Variants in GAREM1 observed in about 807,000 individuals in gnomAD.
GAREM1 encodes the protein GRB2 associated regulator of MAPK1 subtype 1, also known as GRB2-associated and regulator of MAPK protein 1.
GAREM1 carries 26 observed loss-of-function variants against 71.3 expected under a neutral mutation model. The observed-to-expected ratio is 0.36, with a 90% CI of 0.27 to 0.51. The LOEUF (loss-of-function observed/expected upper bound fraction) is 0.51. Ranked by LOEUF, GAREM1 falls within the 20% of genes least tolerant of loss-of-function variation. GAREM1 has a pLI of 0.95. For missense variants in GAREM1, 1,026 were observed against 1,103.1 expected, an observed-to-expected ratio of 0.93 and a Z score of 0.99; for synonymous variants, 440 against 433.2, an observed-to-expected ratio of 1.02 and a Z score of -0.20.
intron 1 of GAREM1, among the ~76,000 whole-genome samples, chr18:32,446,322 C>A (rs1193084631): frequency 2.6e-5 from 4 of 151,632 alleles, no homozygotes; most frequent in Non-Finnish European, 4.4e-5. Flanking sequence ...TTTTTGTAAA[C>A]CAAAAGCATC....
At chr18:32,435,684 G>T (rs1265605717) in intron 1 of GAREM1, among the ~76,000 whole-genome samples, 2 of 152,136 alleles carry the variant, frequency 1.3e-5, no homozygotes, top group African/African-American at 4.8e-5. Flanking sequence ...GTGATAAAAA[G>T]TAGTAAATTA....
chr18:32,384,409 A>G (rs1254475380), intron 2 of GAREM1, among the ~76,000 whole-genome samples: 1 of 152,230 alleles, frequency 6.6e-6, no homozygotes, highest in Non-Finnish European at 1.5e-5. Context: ...ATGCCATATA[A>G]GAGTTCAACT....
chr18:32,348,367 A>G lies in GAREM1; in HGVS notation c.263-38044T>C, dbSNP rs181912793. Among the ~76,000 whole-genome samples, 190 of 152,322 alleles carry G rather than the reference A, an allele frequency of 1.2e-3. 1 individual carries two copies. Among genetic ancestry groups the G allele is most frequent in the Non-Finnish European group, 1.6e-3 (108 of 68,022 alleles). ...AAACTGTAGCTCACATTATTATTAT[A>G]AGAGAAATGAAAAGTAGGCAATATT... On this transcript the variant is annotated intron_variant, in intron 2 of 5. Transcript: ENST00000269209.
At chr18:32,434,838 C>T (rs1030713589) in intron 1 of GAREM1, among the ~76,000 whole-genome samples, 7 of 152,112 alleles carry the variant, frequency 4.6e-5, no homozygotes, top group Admixed American at 3.3e-4. Flanking sequence ...GATAGATACA[C>T]ATTTCCAAGT....
At chr18:32,355,392 C>T (rs949119913) in intron 2 of GAREM1, among the ~76,000 whole-genome samples, 2 of 151,814 alleles carry the variant, frequency 1.3e-5, no homozygotes, top group Admixed American at 6.6e-5. Context: ...TATTTGGAGT[C>T]GATGCATTTT....
rs906197278 is a variant in GAREM1, at chr18:32,362,824, A to G, written c.262+30071T>C. Among the ~76,000 whole-genome samples the G allele has an allele frequency of 5.3e-5, 8 of 152,376 alleles. No homozygotes were observed. In the East Asian group the frequency reaches 1.5e-3, roughly 29 times the overall value. ...GCCATGTTTGCATTTGAAAAACAGTAGTATCCCACTAATTATGTGCTTACT... is the reference window on the plus strand; with the variant it reads ...GCCATGTTTGCATTTGAAAAACAGTGGTATCCCACTAATTATGTGCTTACT... On this transcript the variant is annotated intron_variant, in intron 2 of 5. Transcript: ENST00000269209.
chr18:32,469,676 A>AT (rs1165208253), intron 1 of GAREM1, among the ~76,000 whole-genome samples: 8 of 151,586 alleles, frequency 5.3e-5, no homozygotes, highest in South Asian at 4.2e-4. Context: ...TTGGAGACTT[A>AT]TTTTTTTTTC....
chr18:32,304,898 GT>G (rs1459791080), intron 3 of GAREM1, among the ~76,000 whole-genome samples: 1 of 152,074 alleles, frequency 6.6e-6, no homozygotes, highest in Non-Finnish European at 1.5e-5. Context: ...TAGTGCAGCT[GT>G]TTTTATTTTT....
chr18:32,420,308 CTT>C (rs532162005), intron 1 of GAREM1, among the ~76,000 whole-genome samples: 228 of 151,364 alleles, frequency 1.5e-3, no homozygotes, highest in African/African-American at 5.0e-3. Context: ...AAAGGGAAGT[CTT>C]TTTGTTTTTT....
At chr18:32,392,850 C>A in intron 2 of GAREM1, 45 bp downstream of exon 2, 1 of 1,589,960 alleles carries the variant, frequency 6.3e-7, no homozygotes, top group Non-Finnish European at 8.6e-7. Context: ...CTATTCACAT[C>A]CCCTTTCTCT....
chr18:32,470,296 G>A lies in GAREM1; in HGVS notation c.121+12C>T, dbSNP rs764243555. ...CCTCGCCCGTCTGCCCCGCGCCCCA[G>A]CTGGGACTCACCGTTGTCCAGGCGC... On this transcript the variant is annotated intron_variant, in intron 1 of 5. Coordinates refer to ENST00000269209, the MANE Select transcript of GAREM1 (RefSeq NM_001242409.2). This position sits in a 1 kb window ranked among gnomAD's most constrained non-coding sequence, Gnocchi z 4.4. The A allele has an allele frequency of 6.6e-7, 1 of 1,522,112 alleles. No individual in the cohort carries two copies. The highest frequency in any genetic ancestry group is 8.8e-7 in the Non-Finnish European group (1 of 1,136,016). The allele number at this position is 1,522,112 out of a possible 1,614,324, so 94.3% of individuals were successfully genotyped here.
At chr18:32,383,465 T>C (rs1188246300) in intron 2 of GAREM1, among the ~76,000 whole-genome samples, 1 of 152,200 alleles carries the variant, frequency 6.6e-6, no homozygotes, top group East Asian at 1.9e-4. Context: ...CCATGAAGTC[T>C]GTTTTCCACA....
chr18:32,403,617 C>T (rs541100234), intron 1 of GAREM1, among the ~76,000 whole-genome samples: 1 of 152,182 alleles, frequency 6.6e-6, no homozygotes, highest in South Asian at 2.1e-4. Context: ...GCTCTGTCAC[C>T]CAGTCTGGAG....
At chr18:32,388,719 T>C (rs913045767) in intron 2 of GAREM1, among the ~76,000 whole-genome samples, 1 of 152,120 alleles carries the variant, frequency 6.6e-6, no homozygotes, top group African/African-American at 2.4e-5. Context: ...AAAATGTCTA[T>C]ATCACGAAAG....
At chr18:32,333,984 A>G (rs1212278127) in intron 2 of GAREM1, among the ~76,000 whole-genome samples, 2 of 152,258 alleles carry the variant, frequency 1.3e-5, no homozygotes, top group African/African-American at 4.8e-5. Flanking sequence ...CAGCCCCTAG[A>G]TGGCTCCGGA....
At chr18:32,397,548 G>A (rs1470888863) in intron 1 of GAREM1, among the ~76,000 whole-genome samples, 2 of 152,100 alleles carry the variant, frequency 1.3e-5, no homozygotes, top group Admixed American at 6.5e-5. Flanking sequence ...GATCAAAAGA[G>A]ACAAAGAAGG....
Position 32,343,665 on chromosome 18 carries a change from T to C in GAREM1, c.263-33342A>G, listed in dbSNP as rs547540244. 7.2e-5 allele frequency among the ~76,000 whole-genome samples: 11 copies of C among 152,306 alleles called. No individual in the cohort carries two copies. The South Asian group carries it at 2.3e-3, about 32-fold the overall frequency. On this transcript the variant is annotated intron_variant, in intron 2 of 5. Transcript: ENST00000269209. Reference sequence around the variant, plus strand: ...ATGAAACAAAATGTGTACTTCATATTATCAATCTCATATATTCCAGATTAT... The same window carrying C: ...ATGAAACAAAATGTGTACTTCATATCATCAATCTCATATATTCCAGATTAT...
chr18:32,463,145 T>C lies in GAREM1; in HGVS notation c.121+7163A>G, dbSNP rs1265296616. 2.0e-5 allele frequency among the ~76,000 whole-genome samples: 3 copies of C among 152,222 alleles called. No individual in the cohort carries two copies. In the East Asian group the frequency reaches 5.8e-4, roughly 29 times the overall value. On this transcript the variant is annotated intron_variant, in intron 1 of 5. Coordinates refer to ENST00000269209, the MANE Select transcript of GAREM1 (RefSeq NM_001242409.2). ...TATGCTAATTAGCCTGATTTGATCA[T>C]TGCATAATGTGTACATATACTGAAA...
At chr18:32,394,758 G>A (rs2048234499) in intron 1 of GAREM1, among the ~76,000 whole-genome samples, 1 of 152,202 alleles carries the variant, frequency 6.6e-6, no homozygotes, top group Non-Finnish European at 1.5e-5. Context: ...CCCCTGCTGA[G>A]CATATGCACA....
Sources: gnomAD v4.1 joint callset for allele counts (sites outside exome capture counted in the v4.1 genomes callset) on GRCh38, gnomAD v4.1.1 for gene constraint, Gnocchi (gnomAD v3.1) non-coding constraint, MANE v1.5 for transcripts, NCBI Gene and HGNC (gene_info 2026-07-23, HGNC 2026-07-21) for gene names.